The following LAT variants were observed in gnomAD, a reference collection of about 807,000 sequenced individuals.
LAT encodes the protein linker for activation of T cells, also known as linker for activation of T-cells family member 1.
A neutral mutation model predicts 39.1 loss-of-function variants in LAT; 12 were observed. The ratio of observed to expected loss-of-function variants is 0.31; its 90% CI spans 0.20 to 0.50. The LOEUF is 0.50. Ranked by LOEUF, LAT falls within the 20% of genes least tolerant of loss-of-function variation. The pLI is 0.98. For synonymous variants in LAT, 117 were observed against 123.8 expected (o/e 0.95, Z 0.36); for missense variants, 253 against 308.0 (o/e 0.82, Z 1.34).
rs1432777415 is a variant in LAT, at chr16:28,986,160, C to G, written c.189C>G (p.Ala63=). The G allele has an allele frequency of 2.5e-6, 4 of 1,603,568 alleles. No individual in the cohort carries two copies. The highest frequency in any genetic ancestry group is 3.4e-6 in the Non-Finnish European group (4 of 1,174,852). The stretch of plus-strand genomic sequence containing the variant: ...ACACGGTTGCCCCCTGGCCACCTGC[C>G]TACCCACCTGTCACCTCCTACCCAC... ...RPHTVAPWPP[A]YPPVTSYPPL... is the part of the protein sequence containing the mutation. The change falls in exon 4 of 12, where the codon GCC becomes GCG. Residue 63 remains alanine, a synonymous_variant. Transcript: ENST00000395456. The surrounding 1 kb of genome is among the most constrained non-coding windows in gnomAD (Gnocchi z 5.7).
At chr16:28,989,259 G>T in intron 8 of LAT, 1 of 436,728 alleles carries the variant, frequency 2.3e-6, no homozygotes, top group Non-Finnish European at 4.1e-6. Flanking sequence ...CCCTTTGTGA[G>T]CTCTCCTCAG....
At chr16:28,985,011 C>A, upstream of LAT, 1 of 1,430,686 alleles carries the variant, frequency 7.0e-7, no homozygotes. The surrounding 1 kb of genome is among the most constrained non-coding windows in gnomAD (Gnocchi z 4.6). Flanking sequence ...GTGCAGCCGG[C>A]TGAGAGCTTG....
rs1428875449 is a variant in LAT, at chr16:28,985,902, G to A, written c.163+14G>A. 1.2e-6 allele frequency: 2 copies of A among 1,613,680 alleles called. No homozygotes were observed. The highest frequency in any genetic ancestry group is 4.5e-5 in the East Asian group (2 of 44,872). On this transcript the variant is annotated intron_variant, in intron 3 of 11. Transcript: ENST00000395456. This position sits in a 1 kb window ranked among gnomAD's most constrained non-coding sequence, Gnocchi z 4.6. Reference sequence around the variant, plus strand: ...TCAAACGGCCTCGTGAGTACAAGGAGGGTCCCCTACCTTGGGTGCCAGGGA... The same window carrying A: ...TCAAACGGCCTCGTGAGTACAAGGAAGGTCCCCTACCTTGGGTGCCAGGGA...
Position 28,985,589 on chromosome 16 carries a change from T to C in LAT, c.100+72T>C. ...GGGATCCTCATCCACTCCCAGCCCC[T>C]GTGTCTGTCCTGGCTCTGTCCCTGC... On this transcript the variant is annotated intron_variant, in intron 1 of 11. Coordinates refer to ENST00000395456, the MANE Select transcript of LAT (RefSeq NM_001014987.2). The surrounding 1 kb of genome is among the most constrained non-coding windows in gnomAD (Gnocchi z 4.6). 1 of 1,600,910 alleles carries C rather than the reference T, an allele frequency of 6.2e-7. No individual in the cohort carries two copies. The highest frequency in any genetic ancestry group is 8.5e-7 in the Non-Finnish European group (1 of 1,169,750).
At chr16:28,989,497 A>C (rs757208563) in intron 8 of LAT, 30 bp from the exon 9 acceptor site, 16 of 1,575,658 alleles carry the variant, frequency 1.0e-5, no homozygotes, top group Middle Eastern at 1.7e-4. Flanking sequence ...CTCTGGTCAC[A>C]GTGCCGAGGT....
At position 28,989,693 on chromosome 16, in the gene LAT, C is replaced by A. The variant is rs1965830532; in HGVS notation, c.557-81C>A. ...CTGGGGCTACCCACACCCTCTGCCC[C>A]CTCTGTCTGGGCGTCCCCTTGCTCT... On this transcript the variant is annotated intron_variant, in intron 9 of 11. Coordinates refer to ENST00000395456, the MANE Select transcript of LAT (RefSeq NM_001014987.2). The A allele has an allele frequency of 5.0e-6, 8 of 1,589,376 alleles. No individual in the cohort carries two copies. The East Asian group carries it at 1.6e-4, about 31-fold the overall frequency.
In LAT at chr16:28,986,904, C is replaced by A. The variant is rs200196031; in HGVS notation, c.493+11C>A. On this transcript the variant is annotated intron_variant, in intron 8 of 11. Coordinates refer to ENST00000395456, the MANE Select transcript of LAT (RefSeq NM_001014987.2). The surrounding 1 kb of genome is among the most constrained non-coding windows in gnomAD (Gnocchi z 5.7). ...ACAGTGCCTTCTCCAGTGAGTCAGG[C>A]ATTTGTTTTTATTTTTAAATTTTTT... is the stretch of plus-strand genomic sequence containing the variant. 3.2e-5 allele frequency: 51 copies of A among 1,610,490 alleles called. No individual in the cohort carries two copies. The highest frequency in any genetic ancestry group is 4.0e-5 in the Non-Finnish European group (47 of 1,177,796).
At chr16:28,984,947 C>T (rs1965706250), upstream of LAT, 2 of 1,520,626 alleles carry the variant, frequency 1.3e-6, no homozygotes, top group Non-Finnish European at 1.8e-6. Flanking sequence ...TGGGGTGGCT[C>T]CCGGGCCTCC....
At chr16:28,989,436 A>C in intron 8 of LAT, 91 bp from the exon 9 acceptor site, 1 of 1,130,628 alleles carries the variant, frequency 8.8e-7, no homozygotes. Context: ...ACCGTTGGGG[A>C]GCTCTGCATG....
intron 9 of LAT, 63 bp downstream of exon 9, chr16:28,989,652 G>A: frequency 6.3e-7 from 1 of 1,587,316 alleles, no homozygotes; most frequent in Non-Finnish European, 8.6e-7. Context: ...TGCTCTCAGT[G>A]TGACCAGATC....
Position 28,985,167 on chromosome 16 carries a change from T to G in LAT, c.-251T>G. On this transcript the variant is annotated 5_prime_UTR_variant, in exon 1 of 12. Coordinates refer to ENST00000395456, the MANE Select transcript of LAT (RefSeq NM_001014987.2). This position sits in a 1 kb window ranked among gnomAD's most constrained non-coding sequence, Gnocchi z 4.6. ...GATCCCCCGACTTCAGCCCAGGCCCTGGTCTGACCACCCTGGGAGCAGGGA... is the reference window on the plus strand; with the variant it reads ...GATCCCCCGACTTCAGCCCAGGCCCGGGTCTGACCACCCTGGGAGCAGGGA... The G allele has an allele frequency of 7.0e-7, 1 of 1,429,158 alleles. No individual in the cohort carries two copies. Among genetic ancestry groups the G allele is most frequent in the Non-Finnish European group, 9.1e-7 (1 of 1,096,314 alleles). 88.5% of individuals were successfully genotyped at this position (1,429,158 alleles called of 1,614,324 possible). A position where few individuals can be genotyped will look rare whatever the true frequency, so the allele number is the denominator to read the frequency against.
chr16:28,985,627 C>G lies in LAT; in HGVS notation c.101-86C>G, dbSNP rs1319286935. The stretch of plus-strand genomic sequence containing the variant: ...GCTCTGTCCCTGCCTCCGTCCTGAT[C>G]CCAGCGCCTCTGAGAGTCCCTGGAT... On this transcript the variant is annotated intron_variant, in intron 1 of 11. Coordinates refer to ENST00000395456, the MANE Select transcript of LAT (RefSeq NM_001014987.2). The surrounding 1 kb of genome is among the most constrained non-coding windows in gnomAD (Gnocchi z 4.6). 1.9e-6 allele frequency: 3 copies of G among 1,604,050 alleles called. No homozygotes were observed. In the African/African-American group the frequency reaches 4.0e-5, roughly 21 times the overall value.
At position 28,986,530 on chromosome 16, in the gene LAT, C is replaced by T; in HGVS notation, c.311-10C>T. 6.2e-7 allele frequency: 1 copy of T among 1,609,990 alleles called. No individual in the cohort carries two copies. The highest frequency in any genetic ancestry group is 1.1e-5 in the South Asian group (1 of 90,896). On this transcript the variant is annotated splice_polypyrimidine_tract_variant and intron_variant, in intron 5 of 11. Coordinates refer to ENST00000395456, the MANE Select transcript of LAT (RefSeq NM_001014987.2). The surrounding 1 kb of genome is among the most constrained non-coding windows in gnomAD (Gnocchi z 5.7). ...GCTGACTTAGTCTCCCTCTCACCCTCTCTTTGAAGCCAACAGTGTGGCGAG... is the reference window on the plus strand; with the variant it reads ...GCTGACTTAGTCTCCCTCTCACCCTTTCTTTGAAGCCAACAGTGTGGCGAG...
chr16:28,990,399 C>A lies in LAT; in HGVS notation c.*218C>A. 2.3e-6 allele frequency: 1 copy of A among 428,068 alleles called. No individual in the cohort carries two copies. Among genetic ancestry groups the A allele is most frequent in the Non-Finnish European group, 4.6e-6 (1 of 218,404 alleles). 26.5% of individuals were successfully genotyped at this position (428,068 alleles called of 1,614,324 possible). ...CTGACGCAGCCTGAGAATGACCTGC[C>A]CTGGCCCCAGCCCTACTCTGTGTAA... On this transcript the variant is annotated 3_prime_UTR_variant, in exon 12 of 12. Transcript: ENST00000395456.
rs1029532234 is a variant in LAT at position 28,985,548 on chromosome 16, G to T, written c.100+31G>T. On this transcript the variant is annotated intron_variant, in intron 1 of 11. Transcript: ENST00000395456. This position sits in a 1 kb window ranked among gnomAD's most constrained non-coding sequence, Gnocchi z 4.6. ...TGGGAAACTGGTGGGGGTACCCAGG[G>T]CCCAGGGACACCGACGGGATCCTCA... 15 of 1,609,012 alleles carry T rather than the reference G, an allele frequency of 9.3e-6. No individual in the cohort carries two copies. The highest frequency in any genetic ancestry group is 1.3e-5 in the Non-Finnish European group (15 of 1,176,792).
rs1327642181 is a variant in LAT, at chr16:28,985,146, C to G, written c.-272C>G. On this transcript the variant is annotated 5_prime_UTR_variant, in exon 1 of 12. Coordinates refer to ENST00000395456, the MANE Select transcript of LAT (RefSeq NM_001014987.2). This position sits in a 1 kb window ranked among gnomAD's most constrained non-coding sequence, Gnocchi z 4.6. ...GCTGGGACGCAGGGGTAACTGGATC[C>G]CCCGACTTCAGCCCAGGCCCTGGTC... 1 of 1,426,338 alleles carries G rather than the reference C, an allele frequency of 7.0e-7. No homozygotes were observed. Among genetic ancestry groups the G allele is most frequent in the Non-Finnish European group, 9.1e-7 (1 of 1,095,162 alleles). The allele number at this position is 1,426,338 out of a possible 1,614,324, so 88.4% of individuals were successfully genotyped here. A position where few individuals can be genotyped will look rare whatever the true frequency, so the allele number is the denominator to read the frequency against.
chr16:28,985,622 C>A lies in LAT; in HGVS notation c.101-91C>A. 1 of 1,606,050 alleles carries A rather than the reference C, an allele frequency of 6.2e-7. No individual in the cohort carries two copies. Among genetic ancestry groups the A allele is most frequent in the Non-Finnish European group, 8.5e-7 (1 of 1,173,390 alleles). On this transcript the variant is annotated intron_variant, in intron 1 of 11. Transcript: ENST00000395456. This position sits in a 1 kb window ranked among gnomAD's most constrained non-coding sequence, Gnocchi z 4.6. Reference sequence around the variant, plus strand: ...TCCTGGCTCTGTCCCTGCCTCCGTCCTGATCCCAGCGCCTCTGAGAGTCCC... The same window carrying A: ...TCCTGGCTCTGTCCCTGCCTCCGTCATGATCCCAGCGCCTCTGAGAGTCCC...
At position 28,985,075 on chromosome 16, in the gene LAT, G is replaced by A. The variant is rs1016426624; in HGVS notation, c.-343G>A. On this transcript the variant is annotated 5_prime_UTR_variant, in exon 1 of 12. Transcript: ENST00000395456. This position sits in a 1 kb window ranked among gnomAD's most constrained non-coding sequence, Gnocchi z 4.6. ...CCACAGCTTCCTGCCGCAGGCGGGC[G>A]GGAGGGCGGGCACGGAGAGGCGGGC... The A allele has an allele frequency of 1.4e-5, 20 of 1,427,028 alleles. No homozygotes were observed. The highest frequency in any genetic ancestry group is 1.2e-4 in the African/African-American group (8 of 69,050). The allele number at this position is 1,427,028 out of a possible 1,614,324, so 88.4% of individuals were successfully genotyped here. A position where few individuals can be genotyped will look rare whatever the true frequency, so the allele number is the denominator to read the frequency against.
chr16:28,985,625 A>C lies in LAT; in HGVS notation c.101-88A>C. 1.9e-6 allele frequency: 3 copies of C among 1,606,400 alleles called. No homozygotes were observed. The highest frequency in any genetic ancestry group is 2.6e-6 in the Non-Finnish European group (3 of 1,173,758). ...TGGCTCTGTCCCTGCCTCCGTCCTGATCCCAGCGCCTCTGAGAGTCCCTGG... is the reference window on the plus strand; with the variant it reads ...TGGCTCTGTCCCTGCCTCCGTCCTGCTCCCAGCGCCTCTGAGAGTCCCTGG... On this transcript the variant is annotated intron_variant, in intron 1 of 11. Transcript: ENST00000395456. The surrounding 1 kb of genome is among the most constrained non-coding windows in gnomAD (Gnocchi z 4.6).
Sources: allele counts gnomAD v4.1 joint callset, GRCh38; gene constraint gnomAD v4.1.1; non-coding constraint Gnocchi (gnomAD v3.1); transcripts MANE v1.5; gene names NCBI Gene and HGNC (gene_info 2026-07-23, HGNC 2026-07-21).